The following TANC1 variants were observed in gnomAD, a reference collection of about 807,000 sequenced individuals.
TANC1 encodes the protein tetratricopeptide repeat, ankyrin repeat and coiled-coil containing 1.
In TANC1, 77 loss-of-function variants were observed where a neutral mutation model predicts 149.7. That is an observed-to-expected ratio of 0.51 (90% CI 0.43 to 0.62). The LOEUF (loss-of-function observed/expected upper bound fraction) is 0.62. TANC1 is among the 20% of genes least tolerant of loss of function. The pLI is 0.00. For synonymous variants in TANC1, 854 were observed against 925.0 expected, an observed-to-expected ratio of 0.92 and a Z score of 1.39; for missense variants, 1,985 against 2,321.8, an observed-to-expected ratio of 0.85 and a Z score of 2.98.
rs146654515 is a variant in TANC1 at position 159,224,839 on chromosome 2, A to AC, written c.3811+478dup. The stretch of plus-strand genomic sequence containing the variant: ...ACGATACTTGAGGATTGTGTGGGGG[A>AC]CCCTGAGTAGGGAAAGCCCTTTCCA... On this transcript the variant is annotated intron_variant, in intron 23 of 26. Coordinates refer to ENST00000263635, the MANE Select transcript of TANC1 (RefSeq NM_033394.3). 13 of 160,738 alleles carry AC rather than the reference A, an allele frequency of 8.1e-5. No individual in the cohort carries two copies. In the East Asian group the frequency reaches 2.1e-3, roughly 26 times the overall value. The allele number at this position is 160,738 out of a possible 1,614,324, so 10.0% of individuals were successfully genotyped here. A position where few individuals can be genotyped will look rare whatever the true frequency, so the allele number is the denominator to read the frequency against.
rs544955107 is a variant in TANC1 at position 159,232,100 on chromosome 2, T to C, written c.*1088T>C. Reference sequence around the variant, plus strand: ...CTGGTTATTGCACTGAATGATATATTATTAGGGCATGTTAACAGTATACCA... The same window carrying C: ...CTGGTTATTGCACTGAATGATATATCATTAGGGCATGTTAACAGTATACCA... On this transcript the variant is annotated 3_prime_UTR_variant, in exon 27 of 27. Coordinates refer to ENST00000263635, the MANE Select transcript of TANC1 (RefSeq NM_033394.3). 3.9e-5 allele frequency: 6 copies of C among 152,790 alleles called. No individual in the cohort carries two copies. The highest frequency in any genetic ancestry group is 1.9e-4 in the East Asian group (1 of 5,192). 9.5% of individuals were successfully genotyped at this position (152,790 alleles called of 1,614,324 possible). A position where few individuals can be genotyped will look rare whatever the true frequency, so the allele number is the denominator to read the frequency against.
intron 4 of TANC1, among the ~76,000 whole-genome samples, chr2:159,108,587 A>G (rs2047412703): frequency 6.6e-6 from 1 of 152,238 alleles, no homozygotes; most frequent in Admixed American, 6.5e-5. Flanking sequence ...GCAGGTGATT[A>G]TATCTAGTGC....
Position 159,217,529 on chromosome 2 carries a change from G to A in TANC1, c.3277G>A (p.Glu1093Lys). The A allele has an allele frequency of 6.2e-7, 1 of 1,614,242 alleles. No individual in the cohort carries two copies. The highest frequency in any genetic ancestry group is 8.5e-7 in the Non-Finnish European group (1 of 1,180,036). The change falls in exon 20 of 27, where the codon GAG (glutamate) becomes AAG (lysine). Residue 1093 changes from glutamate to lysine, a missense_variant. Around this residue, in one of 3 missense-constraint regions of TANC1, gnomAD observed 920 missense variants for 994.7 expected, o/e 0.92. Transcript: ENST00000263635. ...TGCCGCCGCAGGAAGAGGGAAGCTG[G>A]AGGTCTGTGAGCTGCTGCTGGGGCA... Reference protein sequence around the residue: ...LTAAAGRGKLEVCELLLGHGA... With the variant: ...LTAAAGRGKLKVCELLLGHGA...
At chr2:159,179,777 C>G (rs1248298590) in intron 14 of TANC1, among the ~76,000 whole-genome samples, 1 of 152,190 alleles carries the variant, frequency 6.6e-6, no homozygotes, top group Non-Finnish European at 1.5e-5. Context: ...GCCTGGGCCG[C>G]TGTTATCACA....
In TANC1 at chr2:159,163,417, G is replaced by A. The variant is rs763305367; in HGVS notation, c.817G>A (p.Ala273Thr). 2.5e-6 allele frequency: 4 copies of A among 1,614,056 alleles called. No homozygotes were observed. In the South Asian group the frequency reaches 3.3e-5, roughly 13 times the overall value. Residue 273 changes from alanine to threonine, a missense_variant, in exon 8 of 27, where the codon GCA becomes ACA. This residue lies in a region of TANC1 where 557 missense variants were observed against 612.9 expected (regional missense o/e 0.91). Transcript: ENST00000263635. Reference protein sequence around the residue: ...DRRADNCSPVAEEETTGSAES... With the variant: ...DRRADNCSPVTEEETTGSAES... The stretch of plus-strand genomic sequence containing the variant: ...CAGGGCAGATAACTGCTCCCCAGTG[G>A]CAGAAGAGGAGACCACCGGGTCAGC...
intron 24 of TANC1, 87 bp downstream of exon 24, chr2:159,225,866 T>C: frequency 9.8e-7 from 1 of 1,021,544 alleles, no homozygotes; most frequent in Non-Finnish European, 1.5e-6. Context: ...GCTGTGCTAC[T>C]GCACAGTCTC....
chr2:159,041,382 C>T (rs2040616685), intron 2 of TANC1, among the ~76,000 whole-genome samples: 4 of 152,206 alleles, frequency 2.6e-5, no homozygotes, highest in Admixed American at 2.6e-4. Context: ...TGTGCCCTTC[C>T]CCCAGAGGAG....
At chr2:159,185,604 G>A (rs2056896493) in intron 14 of TANC1, among the ~76,000 whole-genome samples, 187 bp from the exon 15 acceptor site, 1 of 152,186 alleles carries the variant, frequency 6.6e-6, no homozygotes, top group Admixed American at 6.5e-5. Flanking sequence ...ACACATTTGA[G>A]TGTTCACCAA....
At chr2:159,159,050 A>G (rs556531101) in intron 7 of TANC1, among the ~76,000 whole-genome samples, 40 of 152,214 alleles carry the variant, frequency 2.6e-4, no homozygotes, top group Non-Finnish European at 5.4e-4. Context: ...CTTGATGTTC[A>G]TTTAAGCCTA....
chr2:159,065,787 A>T (rs1349679171), intron 2 of TANC1, 109 bp from the exon 3 acceptor site: 1 of 777,838 alleles, frequency 1.3e-6, no homozygotes, highest in Non-Finnish European at 2.2e-6. Context: ...GTACCTTAAT[A>T]TTAAGCGGTC....
chr2:159,163,875 G>A (rs1003306935), intron 8 of TANC1, among the ~76,000 whole-genome samples: 7 of 152,092 alleles, frequency 4.6e-5, no homozygotes, highest in Admixed American at 2.0e-4. Context: ...TTACCTCCTG[G>A]TAAATGGGAA....
chr2:158,992,762 C>T (rs1237380064), intron 1 of TANC1, among the ~76,000 whole-genome samples: 1 of 151,068 alleles, frequency 6.6e-6, no homozygotes, highest in African/African-American at 2.4e-5. Context: ...CCTCGTGATC[C>T]ACCCGCCTCG....
chr2:159,175,085 C>A lies in TANC1; in HGVS notation c.1636C>A (p.Pro546Thr), dbSNP rs2055697091. The change falls in exon 12 of 27, where the codon CCC becomes ACC. Residue 546 changes from proline (P) to threonine (T), a missense_variant. Pro to Thr is a conservative substitution (Grantham distance 38). Transcript: ENST00000263635. ...AAYRDLLIKE[P>T]QLQSMLSLRS... ...CTACAGAGACCTTCTGATAAAGGAG[C>A]CCCAACTACAGAGCATGCTGAGCCT... The A allele has an allele frequency of 5.0e-6, 8 of 1,614,068 alleles. No homozygotes were observed. The highest frequency in any genetic ancestry group is 1.6e-4 in the Middle Eastern group (1 of 6,082).
chr2:159,227,376 TG>T (rs1433886974), intron 24 of TANC1: 1 of 157,418 alleles, frequency 6.4e-6, no homozygotes, highest in East Asian at 1.9e-4. Context: ...ATTATTATTC[TG>T]CAGCAAGCTC....
chr2:159,171,040 T>G (rs2055144605), intron 10 of TANC1, among the ~76,000 whole-genome samples: 1 of 150,220 alleles, frequency 6.7e-6, no homozygotes, highest in Admixed American at 6.7e-5. Context: ...TGTAACCCCC[T>G]CTTCCTTTAG....
At chr2:158,983,250 G>A (rs1016403458) in intron 1 of TANC1, among the ~76,000 whole-genome samples, 5 of 151,888 alleles carry the variant, frequency 3.3e-5, no homozygotes, top group African/African-American at 1.2e-4. Flanking sequence ...GTTGGATCAC[G>A]AGGTCAGGAG....
chr2:159,002,038 C>A (rs1325287867), intron 2 of TANC1, among the ~76,000 whole-genome samples: 1 of 152,102 alleles, frequency 6.6e-6, no homozygotes, highest in African/African-American at 2.4e-5. Context: ...ATGGAACTGG[C>A]AAAAAGTCCA....
intron 8 of TANC1, among the ~76,000 whole-genome samples, chr2:159,167,751 C>T (rs991106555): frequency 6.6e-6 from 1 of 152,086 alleles, no homozygotes; most frequent in Admixed American, 6.6e-5. Flanking sequence ...ACAGTCAGGC[C>T]TGGAGCCACC....
At chr2:159,129,391 G>A (rs527340360) in intron 4 of TANC1, among the ~76,000 whole-genome samples, 24 of 152,244 alleles carry the variant, frequency 1.6e-4, no homozygotes, top group Middle Eastern at 3.4e-3. Context: ...AAAACTGGCC[G>A]CTGGGAAAGT....
Sources: allele counts gnomAD v4.1 joint callset (sites outside exome capture counted in the v4.1 genomes callset), GRCh38; gene constraint gnomAD v4.1.1; regional missense constraint gnomAD v4.1.1; transcripts MANE v1.5; gene names NCBI Gene and HGNC (gene_info 2026-07-23, HGNC 2026-07-21).